SUGCT: variants seen among roughly 807,000 people sequenced by gnomAD.
SUGCT encodes the protein succinyl-CoA:glutarate-CoA transferase, also known as succinyl-CoA:glutarate CoA-transferase.
In SUGCT, 41 loss-of-function variants were observed where a neutral mutation model predicts 55.0. The ratio of observed to expected loss-of-function variants is 0.74; its 90% CI spans 0.58 to 0.97. The LOEUF (loss-of-function observed/expected upper bound fraction) is 0.97, where lower values mean the gene tolerates loss of function less well. Among genes scored for constraint, SUGCT ranks in the 50% least tolerant of loss-of-function variants. SUGCT has a pLI of 0.00. For missense variants in SUGCT, 568 were observed against 547.8 expected, an observed-to-expected ratio of 1.04 and a Z score of -0.37; for synonymous variants, 187 against 200.4, an observed-to-expected ratio of 0.93 and a Z score of 0.56.
intron 9 of SUGCT, among the ~76,000 whole-genome samples, chr7:40,368,317 C>T (rs558413683): frequency 3.3e-5 from 5 of 152,190 alleles, no homozygotes; most frequent in South Asian, 2.1e-4. Flanking sequence ...CCTGCTTCAA[C>T]GTCCTGAGTA....
At chr7:40,354,526 C>CTCT (rs1459586558) in intron 9 of SUGCT, among the ~76,000 whole-genome samples, 1 of 152,210 alleles carries the variant, frequency 6.6e-6, no homozygotes, top group Non-Finnish European at 1.5e-5. Context: ...ATTCTTCTAT[C>CTCT]TCTTTTTCTT....
chr7:40,555,908 G>A (rs1795536770), intron 12 of SUGCT, among the ~76,000 whole-genome samples: 1 of 151,162 alleles, frequency 6.6e-6, no homozygotes, highest in African/African-American at 2.4e-5. Context: ...TTTAACCAGG[G>A]GATAAAACAT....
At chr7:40,791,536 G>C (rs17439694) in intron 13 of SUGCT, among the ~76,000 whole-genome samples, 1 of 152,106 alleles carries the variant, frequency 6.6e-6, no homozygotes, top group Non-Finnish European at 1.5e-5. Context: ...TGGTATGCTT[G>C]AAAGAATAAC....
At chr7:40,204,151 G>A (rs1171492893) in intron 6 of SUGCT, among the ~76,000 whole-genome samples, 1 of 151,482 alleles carries the variant, frequency 6.6e-6, no homozygotes, top group African/African-American at 2.4e-5. Flanking sequence ...ACCACAACTG[G>A]CTAATTTTTT....
chr7:40,938,128 A>G, the SUGCT span, among the ~76,000 whole-genome samples: 1 of 152,210 alleles, frequency 6.6e-6, no homozygotes, highest in Non-Finnish European at 1.5e-5. Flanking sequence ...GACTGCTACC[A>G]GCCTGCAGCC....
At chr7:40,789,337 C>G (rs547022304) in intron 13 of SUGCT, among the ~76,000 whole-genome samples, 1 of 152,198 alleles carries the variant, frequency 6.6e-6, no homozygotes, top group South Asian at 2.1e-4. Context: ...ATTTTAGATA[C>G]CTCAAGTAAG....
intron 9 of SUGCT, among the ~76,000 whole-genome samples, chr7:40,351,117 T>C (rs80150657): frequency 0.015 from 2,274 of 152,258 alleles, 49 homozygotes; most frequent in South Asian, 0.058. Flanking sequence ...ATGAGTTGTG[T>C]ATATGTTCTT....
At chr7:40,780,718 C>T (rs1789694850) in intron 13 of SUGCT, among the ~76,000 whole-genome samples, 1 of 149,838 alleles carries the variant, frequency 6.7e-6, no homozygotes, top group South Asian at 2.1e-4. Flanking sequence ...AAAAAATTGG[C>T]AGGACTTGGA....
chr7:40,447,803 T>C (rs1383081075), intron 9 of SUGCT, among the ~76,000 whole-genome samples: 1 of 152,110 alleles, frequency 6.6e-6, no homozygotes, highest in East Asian at 1.9e-4. Context: ...CAGTCTTTTT[T>C]CTTAAAGGGA....
intron 12 of SUGCT, among the ~76,000 whole-genome samples, chr7:40,605,481 A>G (rs1474056363): frequency 6.6e-6 from 1 of 152,214 alleles, no homozygotes; most frequent in Non-Finnish European, 1.5e-5. Flanking sequence ...TCTAAAATCA[A>G]AGCCTTAAAA....
At chr7:40,797,445 G>C (rs1051736679) in intron 13 of SUGCT, among the ~76,000 whole-genome samples, 2 of 151,996 alleles carry the variant, frequency 1.3e-5, no homozygotes, top group Non-Finnish European at 2.9e-5. Context: ...TCACTGTCTG[G>C]ATTATCGGTC....
At chr7:40,718,239 G>T (rs1453608220) in intron 12 of SUGCT, among the ~76,000 whole-genome samples, 1 of 152,242 alleles carries the variant, frequency 6.6e-6, no homozygotes, top group Middle Eastern at 3.4e-3. Flanking sequence ...TGTGTATTAA[G>T]ACTCTAACCT....
the SUGCT span, among the ~76,000 whole-genome samples, chr7:40,876,816 T>C: frequency 6.6e-6 from 1 of 152,152 alleles, no homozygotes; most frequent in Non-Finnish European, 1.5e-5. Flanking sequence ...GGGCTGCTGC[T>C]TAGAGCCACA....
intron 3 of SUGCT, among the ~76,000 whole-genome samples, chr7:40,183,092 G>A (rs928637736): frequency 6.6e-6 from 1 of 152,160 alleles, no homozygotes. Flanking sequence ...GGCCAACAAG[G>A]TGAAACCCTG....
chr7:40,187,794 A>G (rs949879083), intron 3 of SUGCT, among the ~76,000 whole-genome samples: 2 of 152,140 alleles, frequency 1.3e-5, no homozygotes, highest in Non-Finnish European at 2.9e-5. Context: ...TTAGTCGGGC[A>G]TGGTGGTGCA....
At chr7:40,878,741 C>A in the SUGCT span, among the ~76,000 whole-genome samples, 2 of 151,936 alleles carry the variant, frequency 1.3e-5, no homozygotes, top group Non-Finnish European at 2.9e-5. Context: ...ACCAGAAAAA[C>A]CCCTGCCACC....
the SUGCT span, among the ~76,000 whole-genome samples, chr7:40,888,819 T>C: frequency 6.6e-6 from 1 of 152,102 alleles, no homozygotes; most frequent in Admixed American, 6.6e-5. Context: ...AGAGCCCAGG[T>C]CACCTACTCC....
chr7:40,720,655 A>G (rs1786279027), intron 12 of SUGCT, among the ~76,000 whole-genome samples: 1 of 152,224 alleles, frequency 6.6e-6, no homozygotes, highest in South Asian at 2.1e-4. Context: ...TGTGTTAAAT[A>G]TGAAGTTTAC....
intron 1 of SUGCT, among the ~76,000 whole-genome samples, chr7:40,174,596 C>A (rs1005405449): frequency 6.6e-6 from 1 of 152,138 alleles, no homozygotes; most frequent in Non-Finnish European, 1.5e-5. Flanking sequence ...TATGTATGTT[C>A]CTGCCACTGC....
Sources: allele counts gnomAD v4.1 joint callset (sites outside exome capture counted in the v4.1 genomes callset), GRCh38; gene constraint gnomAD v4.1.1; transcripts MANE v1.5; gene names NCBI Gene and HGNC (gene_info 2026-07-23, HGNC 2026-07-21).